MSI2: variants seen among roughly 807,000 people sequenced by gnomAD.
MSI2 encodes the protein musashi RNA binding protein 2, also known as RNA-binding protein Musashi homolog 2.
A neutral mutation model predicts 45.6 loss-of-function variants in MSI2; 17 were observed. That is an observed-to-expected ratio of 0.37 (90% CI 0.26 to 0.56). The LOEUF (loss-of-function observed/expected upper bound fraction) is 0.56. MSI2 is among the 20% of genes least tolerant of loss of function. The probability of loss-of-function intolerance (pLI) is 0.77; values close to 1 mark genes in which losing one functional copy is unlikely to be tolerated. For missense variants in MSI2, 293 were observed against 444.2 expected (o/e 0.66, Z 3.06); for synonymous variants, 156 against 158.2 (o/e 0.99, Z 0.11).
intron 5 of MSI2, among the ~76,000 whole-genome samples, chr17:57,305,173 G>T (rs1473449845): frequency 1.3e-5 from 2 of 152,136 alleles, no homozygotes; most frequent in Non-Finnish European, 2.9e-5. Flanking sequence ...TCAGAATGAG[G>T]ATATTTAGGG....
intron 6 of MSI2, among the ~76,000 whole-genome samples, chr17:57,515,593 C>G (rs2143970236): frequency 6.6e-6 from 1 of 152,262 alleles, no homozygotes; most frequent in East Asian, 1.9e-4. Flanking sequence ...ATTAATCCCT[C>G]TAGTGGGCGC....
rs375153956 is a variant in MSI2, at chr17:57,318,431, A to ACC, written c.312+56242_312+56243dup. Among the ~76,000 whole-genome samples the ACC allele has an allele frequency of 2.2e-4, 33 of 151,960 alleles. No homozygotes were observed. In the Middle Eastern group the frequency reaches 0.01, roughly 47 times the overall value. On this transcript the variant is annotated intron_variant, in intron 5 of 13. Coordinates refer to ENST00000284073, the MANE Select transcript of MSI2 (RefSeq NM_138962.4). Reference sequence around the variant, plus strand: ...AGACTCTTTCCTCACTTCTGAGGCTACCCCTGGGCTCTGGCTTTGGGGGAG... The same window carrying ACC: ...AGACTCTTTCCTCACTTCTGAGGCTACCCCCCTGGGCTCTGGCTTTGGGGGAG...
intron 7 of MSI2, among the ~76,000 whole-genome samples, chr17:57,533,453 T>C (rs954700526): frequency 7.2e-5 from 11 of 152,354 alleles, no homozygotes; most frequent in Admixed American, 3.9e-4. Flanking sequence ...CCCTGACCTC[T>C]GAGCATCTCA....
chr17:57,432,166 T>A (rs2084608420), intron 6 of MSI2, among the ~76,000 whole-genome samples: 1 of 152,188 alleles, frequency 6.6e-6, no homozygotes, highest in South Asian at 2.1e-4. Context: ...GCACTTAATG[T>A]GGCTCTGGTG....
chr17:57,316,601 C>T (rs1032341279), intron 5 of MSI2, among the ~76,000 whole-genome samples: 9 of 152,224 alleles, frequency 5.9e-5, no homozygotes, highest in African/African-American at 1.9e-4. Flanking sequence ...GCTGGGATTA[C>T]AGGCGTGAGC....
chr17:57,584,892 G>A (rs1183978622), intron 7 of MSI2, among the ~76,000 whole-genome samples: 1 of 151,940 alleles, frequency 6.6e-6, no homozygotes, highest in African/African-American at 2.4e-5. Context: ...CATGATCGCG[G>A]CTCACTGCAA....
At chr17:57,312,546 AC>A (rs1284824947) in intron 5 of MSI2, among the ~76,000 whole-genome samples, 4 of 152,114 alleles carry the variant, frequency 2.6e-5, no homozygotes, top group Non-Finnish European at 5.9e-5. Flanking sequence ...AAAAGAGCAA[AC>A]CCTGCAGTCT....
At chr17:57,572,736 C>G (rs1403825317) in intron 7 of MSI2, among the ~76,000 whole-genome samples, 1 of 152,218 alleles carries the variant, frequency 6.6e-6, no homozygotes, top group Admixed American at 6.5e-5. Context: ...CCCACCAGCT[C>G]AGGGCAGAGA....
intron 5 of MSI2, among the ~76,000 whole-genome samples, chr17:57,359,317 C>A (rs1916662618): frequency 6.6e-6 from 1 of 152,042 alleles, no homozygotes; most frequent in African/African-American, 2.4e-5. Context: ...TTGAATTCAG[C>A]TTTAATATTA....
chr17:57,616,161 C>G (rs1907669736), intron 9 of MSI2, 77 bp downstream of exon 9: 12 of 1,057,430 alleles, frequency 1.1e-5, no homozygotes, highest in Non-Finnish European at 1.7e-5. Flanking sequence ...GGGTCACCTA[C>G]CAGTGGGGCA....
At chr17:57,507,186 G>A (rs1159197787) in intron 6 of MSI2, among the ~76,000 whole-genome samples, 2 of 143,520 alleles carry the variant, frequency 1.4e-5, no homozygotes, top group African/African-American at 5.4e-5. Context: ...GGGGGGGGGG[G>A]GTGTAAATCT....
At chr17:57,386,110 T>A (rs1168286456) in intron 5 of MSI2, among the ~76,000 whole-genome samples, 1 of 152,208 alleles carries the variant, frequency 6.6e-6, no homozygotes, top group East Asian at 1.9e-4. Context: ...GAGTCACCAA[T>A]GGTCTTTTTT....
chr17:57,496,798 A>T (rs908489596), intron 6 of MSI2, among the ~76,000 whole-genome samples: 1 of 152,250 alleles, frequency 6.6e-6, no homozygotes, highest in African/African-American at 2.4e-5. Context: ...AAATGCTGTT[A>T]GATTTATAGG....
chr17:57,496,954 T>C (rs2085991492), intron 6 of MSI2, among the ~76,000 whole-genome samples: 2 of 152,224 alleles, frequency 1.3e-5, no homozygotes, highest in African/African-American at 4.8e-5. Flanking sequence ...CCATTTTAAA[T>C]GGCCAAAGTG....
chr17:57,463,515 G>A (rs781445667), intron 6 of MSI2, among the ~76,000 whole-genome samples: 12 of 151,614 alleles, frequency 7.9e-5, no homozygotes, highest in South Asian at 2.1e-4. Context: ...GCTTTGCCCC[G>A]CCCTCCCAGC....
chr17:57,295,518 A>G (rs1598085355), intron 5 of MSI2, among the ~76,000 whole-genome samples: 2 of 152,258 alleles, frequency 1.3e-5, no homozygotes, highest in Non-Finnish European at 1.5e-5. Flanking sequence ...CAGGTGCGGT[A>G]GGTTGAGAAA....
Position 57,596,410 on chromosome 17 carries a change from A to C in MSI2, c.455-458A>C, listed in dbSNP as rs1905250442. ...TCAGGATGTCCTGATGAGGTATTAGAGGAAGTAATTCAGGAAGAAAAGGAC... is the reference window on the plus strand; with the variant it reads ...TCAGGATGTCCTGATGAGGTATTAGCGGAAGTAATTCAGGAAGAAAAGGAC... On this transcript the variant is annotated intron_variant, in intron 7 of 13. Coordinates refer to ENST00000284073, the MANE Select transcript of MSI2 (RefSeq NM_138962.4). This position sits in a 1 kb window ranked among gnomAD's most constrained non-coding sequence, Gnocchi z 4.6. 6.6e-6 allele frequency among the ~76,000 whole-genome samples: 1 copy of C among 152,194 alleles called. No individual in the cohort carries two copies. The highest frequency in any genetic ancestry group is 2.1e-4 in the South Asian group (1 of 4,828).
intron 7 of MSI2, among the ~76,000 whole-genome samples, chr17:57,582,851 C>T (rs1390479916): frequency 6.6e-5 from 10 of 151,960 alleles, no homozygotes; most frequent in East Asian, 1.9e-4. Context: ...GTTCTGTTTC[C>T]GGATTTTAAA....
At chr17:57,440,335 C>T (rs1206935067) in intron 6 of MSI2, among the ~76,000 whole-genome samples, 2 of 151,278 alleles carry the variant, frequency 1.3e-5, no homozygotes, top group African/African-American at 4.9e-5. Flanking sequence ...ACTTGGATAC[C>T]CTTTTGGACC....
Sources: allele counts gnomAD v4.1 joint callset (sites outside exome capture counted in the v4.1 genomes callset), GRCh38; gene constraint gnomAD v4.1.1; non-coding constraint Gnocchi (gnomAD v3.1); transcripts MANE v1.5; gene names NCBI Gene and HGNC (gene_info 2026-07-23, HGNC 2026-07-21).